The following PSMA6 variants were observed in gnomAD, a reference collection of about 807,000 sequenced individuals.
The protein encoded by PSMA6 is proteasome subunit alpha type-6.
For synonymous variants in PSMA6, 88 were observed against 97.7 expected, an observed-to-expected ratio of 0.90 and a Z score of 0.59; for missense variants, 170 against 294.8, an observed-to-expected ratio of 0.58 and a Z score of 3.10.
At chr14:35,309,607 C>T (rs1324655679) in intron 3 of PSMA6, among the ~76,000 whole-genome samples, 1 of 152,102 alleles carries the variant, frequency 6.6e-6, no homozygotes, top group African/African-American at 2.4e-5. Flanking sequence ...GCCTGGCCAG[C>T]GTGGTGAAAC....
chr14:35,289,034 C>T (rs1416929233), upstream of PSMA6, among the ~76,000 whole-genome samples: 1 of 152,170 alleles, frequency 6.6e-6, no homozygotes, highest in Non-Finnish European at 1.5e-5. Flanking sequence ...GACAATTCTT[C>T]TTCCAATGTG....
chr14:35,297,830 T>G (rs2051628794), intron 1 of PSMA6, among the ~76,000 whole-genome samples: 1 of 152,160 alleles, frequency 6.6e-6, no homozygotes, highest in African/African-American at 2.4e-5. Context: ...CACCGTGCCT[T>G]TTATGTTTAG....
chr14:35,284,395 C>T (rs1363864490), intron 1 of PSMA6, among the ~76,000 whole-genome samples: 3 of 152,056 alleles, frequency 2.0e-5, no homozygotes, highest in African/African-American at 4.8e-5. Context: ...CCCTTTGGCC[C>T]GTGAGCATAT....
At chr14:35,287,080 C>G (rs1332567198) in intron 1 of PSMA6, among the ~76,000 whole-genome samples, 1 of 152,166 alleles carries the variant, frequency 6.6e-6, no homozygotes, top group East Asian at 1.9e-4. Flanking sequence ...CAACACTCAT[C>G]CAGAATGACT....
chr14:35,296,473 G>A (rs1227882078), intron 1 of PSMA6, among the ~76,000 whole-genome samples: 1 of 152,122 alleles, frequency 6.6e-6, no homozygotes, highest in East Asian at 1.9e-4. Flanking sequence ...TGGGATTACA[G>A]GCGCCTGCCA....
intron 1 of PSMA6, among the ~76,000 whole-genome samples, chr14:35,298,455 A>C (rs935201100): frequency 3.3e-5 from 5 of 151,782 alleles, no homozygotes; most frequent in African/African-American, 1.2e-4. Flanking sequence ...GCACTGCTGC[A>C]CTCTAGCCTG....
Position 35,317,189 on chromosome 14 carries a change from T to C in PSMA6, c.684-60T>C, listed in dbSNP as rs547946926. On this transcript the variant is annotated intron_variant, in intron 6 of 6. Transcript: ENST00000261479. ...GGAGTTTATTATACTATCCCACTTT[T>C]ACGTGTGTTTGAAAAAATTTTTTTT... 2.1e-5 allele frequency: 28 copies of C among 1,350,248 alleles called. No individual in the cohort carries two copies. The South Asian group carries it at 2.1e-4, about 10-fold the overall frequency. The allele number at this position is 1,350,248 out of a possible 1,614,324, so 83.6% of individuals were successfully genotyped here.
chr14:35,292,010 G>A (rs1453721510), upstream of PSMA6, among the ~76,000 whole-genome samples: 1 of 152,112 alleles, frequency 6.6e-6, no homozygotes, highest in Non-Finnish European at 1.5e-5. Context: ...AATGAAAGTG[G>A]AGGATAAAAG....
At chr14:35,293,627 C>T (rs2051529332) in intron 1 of PSMA6, among the ~76,000 whole-genome samples, 1 of 152,166 alleles carries the variant, frequency 6.6e-6, no homozygotes, top group Admixed American at 6.5e-5. Flanking sequence ...CAGTGTATTA[C>T]TGCATAGTGT....
At chr14:35,294,232 GT>G (rs2051539639) in intron 1 of PSMA6, among the ~76,000 whole-genome samples, 1 of 151,906 alleles carries the variant, frequency 6.6e-6, no homozygotes, top group Non-Finnish European at 1.5e-5. Context: ...TAGAGACGAG[GT>G]TTCTCCATGT....
At chr14:35,280,130 CAAA>C (rs1258960847) in intron 1 of PSMA6, among the ~76,000 whole-genome samples, 1 of 112,238 alleles carries the variant, frequency 8.9e-6, no homozygotes. Flanking sequence ...GACTCCGTCT[CAAA>C]AAAAAAAAAA....
chr14:35,302,045 T>C (rs1278667215), intron 1 of PSMA6, among the ~76,000 whole-genome samples: 1 of 152,128 alleles, frequency 6.6e-6, no homozygotes, highest in Non-Finnish European at 1.5e-5. Context: ...ACTAGAATTT[T>C]TTTTTTTCTA....
intron 1 of PSMA6, among the ~76,000 whole-genome samples, chr14:35,305,939 A>G (rs565679353): frequency 6.4e-4 from 98 of 152,198 alleles, no homozygotes; most frequent in African/African-American, 2.3e-3. Context: ...AAAATAAAAT[A>G]AACAGGCCAG....
intron 1 of PSMA6, among the ~76,000 whole-genome samples, chr14:35,306,813 C>A (rs1459902329): frequency 6.6e-6 from 1 of 152,164 alleles, no homozygotes; most frequent in Non-Finnish European, 1.5e-5. Context: ...AATGGATTGA[C>A]AGCAGCTAGA....
chr14:35,298,608 A>G (rs887931278), intron 1 of PSMA6, among the ~76,000 whole-genome samples: 10 of 152,180 alleles, frequency 6.6e-5, no homozygotes, highest in South Asian at 4.1e-4. Context: ...ATTTTAGCCC[A>G]AACCAAAGTC....
intron 1 of PSMA6, among the ~76,000 whole-genome samples, chr14:35,286,328 G>A (rs2051421471): frequency 6.6e-6 from 1 of 152,130 alleles, no homozygotes; most frequent in Non-Finnish European, 1.5e-5. Flanking sequence ...AAGCTATGAA[G>A]GGCTTCCTGT....
chr14:35,288,989 A>G (rs1337663592), upstream of PSMA6, among the ~76,000 whole-genome samples: 1 of 152,176 alleles, frequency 6.6e-6, no homozygotes, highest in East Asian at 1.9e-4. Context: ...CCCATCACTT[A>G]TCATTAGTGT....
intron 1 of PSMA6, among the ~76,000 whole-genome samples, chr14:35,286,488 A>C (rs1260513746): frequency 6.6e-6 from 1 of 152,232 alleles, no homozygotes; most frequent in Non-Finnish European, 1.5e-5. Context: ...CAGAAACAAG[A>C]AGCTGAGCAT....
chr14:35,300,362 A>T (rs1005757194), intron 1 of PSMA6, among the ~76,000 whole-genome samples: 1 of 151,906 alleles, frequency 6.6e-6, no homozygotes, highest in African/African-American at 2.4e-5. Flanking sequence ...TGTCCCACAT[A>T]CTCTGGAGGC....
Sources: allele counts gnomAD v4.1 joint callset (sites outside exome capture counted in the v4.1 genomes callset), GRCh38; gene constraint gnomAD v4.1.1; transcripts MANE v1.5; gene names NCBI Gene and HGNC (gene_info 2026-07-23, HGNC 2026-07-21).